Variants in FAM135B observed in about 807,000 individuals in gnomAD.
The protein encoded by FAM135B is protein FAM135B.
In FAM135B, 43 loss-of-function variants were observed where a neutral mutation model predicts 127.7. The ratio of observed to expected loss-of-function variants is 0.34; its 90% CI spans 0.26 to 0.43. FAM135B has a LOEUF of 0.43. Ranked by LOEUF, FAM135B falls within the 20% of genes least tolerant of loss-of-function variation. FAM135B has a pLI of 1.00. For synonymous variants in FAM135B, 670 were observed against 665.1 expected, an observed-to-expected ratio of 1.01 and a Z score of -0.11; for missense variants, 1,558 against 1,725.6, an observed-to-expected ratio of 0.90 and a Z score of 1.72.
intron 7 of FAM135B, among the ~76,000 whole-genome samples, chr8:138,211,200 G>A (rs1408151929): frequency 1.3e-5 from 2 of 152,144 alleles, no homozygotes; most frequent in Non-Finnish European, 2.9e-5. Context: ...TAATTCTTTA[G>A]GAAAGCAGCT....
intron 3 of FAM135B, among the ~76,000 whole-genome samples, chr8:138,285,797 C>G (rs1034962029): frequency 1.3e-5 from 2 of 152,194 alleles, no homozygotes; most frequent in African/African-American, 4.8e-5. Flanking sequence ...ATCAATACTG[C>G]AGAATGTTTG....
At chr8:138,142,288 C>CTTTTTTTTTTTTTTTTTTTTTTTTT (rs71316322) in intron 16 of FAM135B, among the ~76,000 whole-genome samples, 1 of 62,366 alleles carries the variant, frequency 1.6e-5, no homozygotes, top group Non-Finnish European at 3.2e-5. Flanking sequence ...TCTGCTTCTT[C>CTTTTTTTTTTTTTTTTTTTTTTTTT]TTTTTTTTTT....
intron 4 of FAM135B, among the ~76,000 whole-genome samples, chr8:138,260,169 C>T (rs1822436870): frequency 6.6e-6 from 1 of 152,156 alleles, no homozygotes; most frequent in Non-Finnish European, 1.5e-5. Context: ...TTGCTTTAGG[C>T]CTGAGAACCT....
chr8:138,356,214 A>G (rs1021483072), intron 2 of FAM135B, among the ~76,000 whole-genome samples: 1 of 152,090 alleles, frequency 6.6e-6, no homozygotes, highest in Non-Finnish European at 1.5e-5. Flanking sequence ...TAGCAGCACA[A>G]AAGGACTAAA....
chr8:138,136,378 T>C (rs1410744512), intron 19 of FAM135B, among the ~76,000 whole-genome samples: 1 of 152,148 alleles, frequency 6.6e-6, no homozygotes, highest in Non-Finnish European at 1.5e-5. Context: ...AAGGGGACAT[T>C]AGTGGACACT....
rs528494583 is a variant in FAM135B at position 138,171,933 on chromosome 8, C to T, written c.1104-3884G>A. Among the ~76,000 whole-genome samples the T allele has an allele frequency of 3.3e-5, 5 of 152,226 alleles. No individual in the cohort carries two copies. In the East Asian group the frequency reaches 9.7e-4, roughly 29 times the overall value. On this transcript the variant is annotated intron_variant, in intron 11 of 19. Transcript: ENST00000395297. ...TTACATGGACATATCTGTGTTTATACAGGTGGAGGTGTGCATGTGTGTGCA... is the reference window on the plus strand; with the variant it reads ...TTACATGGACATATCTGTGTTTATATAGGTGGAGGTGTGCATGTGTGTGCA...
At chr8:138,418,222 T>C (rs1834276657) in intron 1 of FAM135B, among the ~76,000 whole-genome samples, 1 of 152,158 alleles carries the variant, frequency 6.6e-6, no homozygotes, top group Non-Finnish European at 1.5e-5. Flanking sequence ...ATACTGGTTC[T>C]TCAAACCAAC....
intron 1 of FAM135B, among the ~76,000 whole-genome samples, chr8:138,391,640 T>G (rs1832584901): frequency 6.6e-6 from 1 of 152,194 alleles, no homozygotes; most frequent in Non-Finnish European, 1.5e-5. Context: ...CCTAAGCTTG[T>G]GTCTAACCTT....
At chr8:138,251,444 C>T (rs961072229) in intron 5 of FAM135B, among the ~76,000 whole-genome samples, 2 of 152,166 alleles carry the variant, frequency 1.3e-5, no homozygotes, top group African/African-American at 4.8e-5. Flanking sequence ...TAACAGATTC[C>T]TACCTCTTAA....
intron 2 of FAM135B, among the ~76,000 whole-genome samples, chr8:138,326,841 C>T (rs960317960): frequency 1.3e-5 from 2 of 152,106 alleles, no homozygotes; most frequent in African/African-American, 4.8e-5. Context: ...AAGACACGTA[C>T]AACACCTGGT....
chr8:138,232,544 G>A (rs1170652451), intron 7 of FAM135B, among the ~76,000 whole-genome samples: 2 of 152,198 alleles, frequency 1.3e-5, no homozygotes, highest in African/African-American at 4.8e-5. Flanking sequence ...CCCCCTTAGT[G>A]TGTGTATGGT....
intron 7 of FAM135B, among the ~76,000 whole-genome samples, chr8:138,215,793 A>G (rs1480656427): frequency 6.6e-6 from 1 of 152,178 alleles, no homozygotes; most frequent in Non-Finnish European, 1.5e-5. Flanking sequence ...CCTCCCACCC[A>G]TGAATGGCTC....
At chr8:138,459,327 G>A (rs553895784) in intron 1 of FAM135B, 1 of 152,108 alleles carries the variant, frequency 6.6e-6, no homozygotes, top group Non-Finnish European at 1.5e-5. Context: ...GATAAACAAG[G>A]CAGAAACTAG....
intron 1 of FAM135B, among the ~76,000 whole-genome samples, chr8:138,474,043 G>A (rs922387236): frequency 2.0e-5 from 3 of 152,112 alleles, no homozygotes; most frequent in African/African-American, 7.2e-5. Context: ...ACGTGTCTCA[G>A]GCAGAACTTT....
intron 7 of FAM135B, among the ~76,000 whole-genome samples, chr8:138,228,845 A>T (rs1421144368): frequency 6.6e-6 from 1 of 152,200 alleles, no homozygotes; most frequent in African/African-American, 2.4e-5. Context: ...CTCTCCAGCC[A>T]TCCGGCTGCA....
At chr8:138,249,535 ACC>A (rs1821545058) in intron 6 of FAM135B, among the ~76,000 whole-genome samples, 1 of 152,186 alleles carries the variant, frequency 6.6e-6, no homozygotes, top group South Asian at 2.1e-4. Flanking sequence ...CCCAGTAAAT[ACC>A]CATTGAATGA....
intron 9 of FAM135B, among the ~76,000 whole-genome samples, chr8:138,193,976 C>T (rs1331294741): frequency 6.6e-6 from 1 of 152,174 alleles, no homozygotes; most frequent in Non-Finnish European, 1.5e-5. Flanking sequence ...AGGATGAGAG[C>T]TGTAGCCATC....
At chr8:138,181,347 G>A (rs1191277522) in intron 9 of FAM135B, among the ~76,000 whole-genome samples, 1 of 152,166 alleles carries the variant, frequency 6.6e-6, no homozygotes, top group Non-Finnish European at 1.5e-5. Context: ...TGGATGAACT[G>A]TAAGTGACTT....
chr8:138,318,051 T>C (rs1827211907), intron 2 of FAM135B, among the ~76,000 whole-genome samples: 1 of 152,216 alleles, frequency 6.6e-6, no homozygotes, highest in African/African-American at 2.4e-5. Context: ...CACAAATCAA[T>C]GGCAATGACA....
Sources: gnomAD v4.1 joint callset for allele counts (sites outside exome capture counted in the v4.1 genomes callset) on GRCh38, gnomAD v4.1.1 for gene constraint, MANE v1.5 for transcripts, NCBI Gene and HGNC (gene_info 2026-07-23, HGNC 2026-07-21) for gene names.